Variants in CD46 observed in about 807,000 individuals in gnomAD.
CD46 encodes the protein CD46 molecule.
In CD46, 30 loss-of-function variants were observed where a neutral mutation model predicts 53.3. The ratio of observed to expected loss-of-function variants is 0.56; its 90% CI spans 0.42 to 0.76. The LOEUF (loss-of-function observed/expected upper bound fraction) is 0.76. Ranked by LOEUF, CD46 falls within the 30% of genes least tolerant of loss-of-function variation. The pLI is 0.00. For missense variants in CD46, 409 were observed against 463.0 expected (o/e 0.88, Z 1.07); for synonymous variants, 142 against 152.0 (o/e 0.93, Z 0.48).
chr1:207,790,413 T>C (rs1659691035), intron 12 of CD46, 68 bp downstream of exon 12: 1 of 782,940 alleles, frequency 1.3e-6, no homozygotes, highest in Non-Finnish European at 2.2e-6. Context: ...GATATATAGA[T>C]ATCAATAACC....
rs1165351910 is a variant in CD46, at chr1:207,756,153, G to A, written c.98-861G>A. On this transcript the variant is annotated intron_variant, in intron 1 of 12. Transcript: ENST00000367042. ...AGGAGTTGTAGCTACCAGCCAGGGA[G>A]GAAGGGTATTCAGAGCAGAGGAAGC... 3.3e-5 allele frequency among the ~76,000 whole-genome samples: 5 copies of A among 152,266 alleles called. No individual in the cohort carries two copies. In the South Asian group the frequency reaches 1.0e-3, roughly 32 times the overall value.
intron 8 of CD46, among the ~76,000 whole-genome samples, chr1:207,779,823 A>G (rs41317947): frequency 9.4e-5 from 14 of 149,246 alleles, no homozygotes; most frequent in African/African-American, 2.2e-4. Flanking sequence ...TGAAATGTCA[A>G]TTTGTATCAT....
chr1:207,762,658 T>TTTACCACTTGCTG (rs764489363), intron 5 of CD46: 21 of 152,504 alleles, frequency 1.4e-4, no homozygotes, highest in Non-Finnish European at 2.8e-4. Context: ...CTTTTAGAAG[T>TTTACCACTTGCTG]TCCAGCTTTA....
intron 8 of CD46, among the ~76,000 whole-genome samples, chr1:207,775,780 G>A (rs1300607200): frequency 6.6e-6 from 1 of 152,148 alleles, no homozygotes; most frequent in African/African-American, 2.4e-5. Context: ...GGTGTTTGTC[G>A]GCCGCTACTG....
chr1:207,771,332 C>T (rs1481284613), intron 8 of CD46, among the ~76,000 whole-genome samples: 1 of 152,164 alleles, frequency 6.6e-6, no homozygotes, highest in Non-Finnish European at 1.5e-5. Flanking sequence ...AAGATTTTCT[C>T]CCATTCTGTA....
At chr1:207,772,220 A>G (rs554432027) in intron 8 of CD46, among the ~76,000 whole-genome samples, 1 of 152,308 alleles carries the variant, frequency 6.6e-6, no homozygotes, top group East Asian at 1.9e-4. Context: ...ATTGGTGTAT[A>G]GGAATGCTTG....
intron 4 of CD46, chr1:207,759,933 G>A: frequency 4.2e-6 from 2 of 478,434 alleles, no homozygotes; most frequent in Admixed American, 3.8e-5. Context: ...TTTTTCCTAA[G>A]ACACGGTCTC....
Position 207,752,142 on chromosome 1 carries a change from C to G in CD46, c.-71C>G. Reference sequence around the variant, plus strand: ...GTCCCATATCTGGACCCAGAAGGGACTTCCCTGCTCGGCTGGCTCTCGGTT... The same window carrying G: ...GTCCCATATCTGGACCCAGAAGGGAGTTCCCTGCTCGGCTGGCTCTCGGTT... On this transcript the variant is annotated 5_prime_UTR_variant, in exon 1 of 13. Transcript: ENST00000367042. The surrounding 1 kb of genome is among the most constrained non-coding windows in gnomAD (Gnocchi z 4.1). 2.1e-6 allele frequency: 3 copies of G among 1,401,056 alleles called. No homozygotes were observed. In the South Asian group the frequency reaches 3.5e-5, roughly 16 times the overall value. 86.8% of individuals were successfully genotyped at this position (1,401,056 alleles called of 1,614,324 possible).
intron 3 of CD46, among the ~76,000 whole-genome samples, chr1:207,758,375 C>T (rs1214930201): frequency 2.0e-5 from 3 of 152,102 alleles, no homozygotes; most frequent in Non-Finnish European, 2.9e-5. Context: ...GGCTTTTGTG[C>T]TGCATCATAA....
chr1:207,769,974 C>T, intron 7 of CD46: 2 of 236,558 alleles, frequency 8.5e-6, no homozygotes, highest in Non-Finnish European at 1.7e-5. Context: ...CCATGATGGC[C>T]TGGCTAGTCT....
chr1:207,757,248 T>C (rs755668844), intron 2 of CD46, 46 bp downstream of exon 2: 1 of 1,505,632 alleles, frequency 6.6e-7, no homozygotes, highest in African/African-American at 1.4e-5. Context: ...TCTAGAGATT[T>C]GCATACATTT....
rs746453295 is a variant in CD46 at position 207,767,177 on chromosome 1, G to A, written c.838G>A (p.Val280Ile). 1 of 1,613,704 alleles carries A rather than the reference G, an allele frequency of 6.2e-7. No individual in the cohort carries two copies. Among genetic ancestry groups the A allele is most frequent in the South Asian group, 1.1e-5 (1 of 91,082 alleles). The change falls in exon 6 of 13, where the codon GTT (valine) becomes ATT (isoleucine). Residue 280 changes from valine (V) to isoleucine (I), a missense_variant. By Grantham distance (29) the Val-to-Ile change is conservative. Transcript: ENST00000367042. The stretch of plus-strand genomic sequence containing the variant: ...CAGTAACAGTACTTGGGATCCCCCA[G>A]TTCCAAAGTGTCTTAAAGGTACAAA... ...CDSNSTWDPP[V>I]PKCLKVSTSS...
chr1:207,783,749 A>T (rs1379777359), intron 9 of CD46: 1 of 154,780 alleles, frequency 6.5e-6, no homozygotes, highest in African/African-American at 2.4e-5. Context: ...ATTACCTTTC[A>T]TTTCTTAGAC....
intron 8 of CD46, among the ~76,000 whole-genome samples, chr1:207,777,569 A>AT (rs1658250219): frequency 6.6e-6 from 1 of 152,118 alleles, no homozygotes; most frequent in South Asian, 2.1e-4. Flanking sequence ...GCCCCCACTT[A>AT]TAAGTGAGAA....
intron 5 of CD46, among the ~76,000 whole-genome samples, chr1:207,765,440 C>A (rs940472020): frequency 3.3e-5 from 5 of 152,170 alleles, no homozygotes; most frequent in Non-Finnish European, 7.4e-5. Context: ...ACTTACATTT[C>A]TGTCTAATTA....
intron 8 of CD46, among the ~76,000 whole-genome samples, chr1:207,779,645 AC>A (rs1297291091): frequency 6.6e-6 from 1 of 152,150 alleles, no homozygotes; most frequent in African/African-American, 2.4e-5. Flanking sequence ...GAAGATTTCA[AC>A]CATGTGTTCT....
chr1:207,769,402 A>G lies in CD46; in HGVS notation c.902-919A>G, dbSNP rs1657220470. The stretch of plus-strand genomic sequence containing the variant: ...CAAAACAAGATTGCATGTGAAATTT[A>G]TACTCAGTGAGGCATCCGGGCTTAA... On this transcript the variant is annotated intron_variant, in intron 7 of 12. Coordinates refer to ENST00000367042, the MANE Select transcript of CD46 (RefSeq NM_172351.3). The G allele has an allele frequency of 2.0e-5, 3 of 152,238 alleles. No homozygotes were observed. In the East Asian group the frequency reaches 5.8e-4, roughly 29 times the overall value. The allele number at this position is 152,238 out of a possible 1,614,324, so 9.4% of individuals were successfully genotyped here.
At chr1:207,776,740 C>T (rs1394651016) in intron 8 of CD46, among the ~76,000 whole-genome samples, 1 of 151,684 alleles carries the variant, frequency 6.6e-6, no homozygotes, top group Non-Finnish European at 1.5e-5. Context: ...GTGATTCTCC[C>T]ACCTCAGCCT....
intron 11 of CD46, 95 bp downstream of exon 11, chr1:207,785,777 CT>C (rs63193962): frequency 0.092 from 61,993 of 674,034 alleles, 2,205 homozygotes; most frequent in African/African-American, 0.24. Context: ...TGCATGCTAT[CT>C]TTTTTTTTTT....
Sources: gnomAD v4.1 joint callset for allele counts (sites outside exome capture counted in the v4.1 genomes callset) on GRCh38, gnomAD v4.1.1 for gene constraint, Gnocchi (gnomAD v3.1) non-coding constraint, MANE v1.5 for transcripts, NCBI Gene and HGNC (gene_info 2026-07-23, HGNC 2026-07-21) for gene names.